Variants in GHR observed in about 807,000 individuals in gnomAD.
GHR encodes the protein growth hormone receptor, also known as GH receptor.
A neutral mutation model predicts 67.1 loss-of-function variants in GHR; 35 were observed. The ratio of observed to expected loss-of-function variants is 0.52; its 90% CI spans 0.40 to 0.69. GHR has a LOEUF of 0.69. GHR is among the 30% of genes least tolerant of loss of function. The pLI is 0.00. For synonymous variants in GHR, 272 were observed against 269.1 expected (o/e 1.01, Z -0.10); for missense variants, 792 against 764.6 (o/e 1.04, Z -0.42).
At chr5:42,551,186 C>G (rs375454444) in intron 1 of GHR, among the ~76,000 whole-genome samples, 1 of 152,130 alleles carries the variant, frequency 6.6e-6, no homozygotes, top group East Asian at 1.9e-4. Context: ...CTGTGTCTTG[C>G]CCTTAGAAGT....
intron 1 of GHR, among the ~76,000 whole-genome samples, chr5:42,504,549 A>G (rs1162173180): frequency 6.6e-6 from 1 of 152,092 alleles, no homozygotes; most frequent in African/African-American, 2.4e-5. Context: ...TCACGAGGTC[A>G]GGAGATTGAG....
At chr5:42,695,325 G>T (rs1203375826) in intron 5 of GHR, among the ~76,000 whole-genome samples, 1 of 152,160 alleles carries the variant, frequency 6.6e-6, no homozygotes, top group African/African-American at 2.4e-5. Flanking sequence ...GAAGAGAATA[G>T]GAACCTTGTG....
chr5:42,610,304 A>G (rs752651274), intron 2 of GHR, among the ~76,000 whole-genome samples: 1 of 151,982 alleles, frequency 6.6e-6, no homozygotes, highest in Non-Finnish European at 1.5e-5. Flanking sequence ...AGTCCTTGAG[A>G]CTCTCTTTTT....
intron 1 of GHR, among the ~76,000 whole-genome samples, chr5:42,480,242 G>T (rs1745557370): frequency 6.6e-6 from 1 of 152,194 alleles, no homozygotes; most frequent in Non-Finnish European, 1.5e-5. Flanking sequence ...TTGCACTGTG[G>T]TCTGAGAGAC....
chr5:42,465,644 T>G, intron 1 of GHR: 1 of 919,304 alleles, frequency 1.1e-6, no homozygotes, highest in Non-Finnish European at 1.8e-6. Context: ...AATTCCCCAG[T>G]TGTGAGATCT....
At chr5:42,620,454 G>C (rs2112710771) in intron 2 of GHR, among the ~76,000 whole-genome samples, 1 of 152,206 alleles carries the variant, frequency 6.6e-6, no homozygotes, top group African/African-American at 2.4e-5. Flanking sequence ...TGGGCAGTTA[G>C]ATAACTAACA....
At chr5:42,427,633 C>A (rs193121918) in intron 1 of GHR, among the ~76,000 whole-genome samples, 2 of 152,026 alleles carry the variant, frequency 1.3e-5, no homozygotes, top group Admixed American at 6.5e-5. Flanking sequence ...AACAGTCCCC[C>A]AAAGTCTTAA....
chr5:42,658,539 T>C (rs755374260), intron 3 of GHR, among the ~76,000 whole-genome samples: 4 of 152,246 alleles, frequency 2.6e-5, no homozygotes, highest in Non-Finnish European at 5.9e-5. Context: ...TTTTTGCTTA[T>C]ATACAGTAAG....
intron 2 of GHR, among the ~76,000 whole-genome samples, chr5:42,597,693 A>G (rs926074214): frequency 6.6e-6 from 1 of 152,174 alleles, no homozygotes; most frequent in Non-Finnish European, 1.5e-5. Context: ...CTTCATTTGT[A>G]AGTACCAGAT....
At chr5:42,536,695 G>C (rs1579895316) in intron 1 of GHR, among the ~76,000 whole-genome samples, 1 of 151,974 alleles carries the variant, frequency 6.6e-6, no homozygotes, top group East Asian at 1.9e-4. Flanking sequence ...GATTAGGGAG[G>C]GTTCCCTCTT....
At chr5:42,605,660 A>G (rs889811679) in intron 2 of GHR, among the ~76,000 whole-genome samples, 2 of 152,174 alleles carry the variant, frequency 1.3e-5, no homozygotes, top group Non-Finnish European at 2.9e-5. Context: ...CTTGTGCTCT[A>G]TTTCAGACAA....
In GHR at chr5:42,630,716, C is replaced by A. The variant is rs1241325972; in HGVS notation, c.136+1613C>A. ...TATTCCAAAGCCTTTTTTCACTCAACAGATGAGTTATGTGCTTTATATTCT... is the reference window on the plus strand; with the variant it reads ...TATTCCAAAGCCTTTTTTCACTCAAAAGATGAGTTATGTGCTTTATATTCT... On this transcript the variant is annotated intron_variant, in intron 3 of 9. Coordinates refer to ENST00000230882, the MANE Select transcript of GHR (RefSeq NM_000163.5). Among the ~76,000 whole-genome samples, 3 of 131,726 alleles carry A rather than the reference C, an allele frequency of 2.3e-5. 1 individual carries two copies. Among genetic ancestry groups the A allele is most frequent in the African/African-American group, 9.6e-5 (3 of 31,206 alleles). The allele number at this position is 131,726 out of a possible 152,430, so 86.4% of individuals were successfully genotyped here.
At chr5:42,425,081 C>T (rs1278276973) in intron 1 of GHR, 2 of 874,074 alleles carry the variant, frequency 2.3e-6, no homozygotes, top group African/African-American at 3.6e-5. Flanking sequence ...GTAGTTTCTG[C>T]ATAGGATTAA....
chr5:42,641,630 A>G (rs73095770), intron 3 of GHR, among the ~76,000 whole-genome samples: 2,171 of 152,174 alleles, frequency 0.014, 51 homozygotes, highest in African/African-American at 0.049. Context: ...GCTACCCCCA[A>G]TCTCTCTCTA....
At chr5:42,580,294 A>G (rs1751090821) in intron 2 of GHR, among the ~76,000 whole-genome samples, 1 of 152,180 alleles carries the variant, frequency 6.6e-6, no homozygotes, top group Non-Finnish European at 1.5e-5. Flanking sequence ...GCCTCAATGA[A>G]CAAAAGAGAT....
At position 42,618,633 on chromosome 5, in the gene GHR, T is replaced by C. The variant is rs749301860; in HGVS notation, c.71-10405T>C. Among the ~76,000 whole-genome samples, 7 of 152,152 alleles carry C rather than the reference T, an allele frequency of 4.6e-5. No individual in the cohort carries two copies. In the South Asian group the frequency reaches 8.3e-4, roughly 18 times the overall value. ...ATAATTAACTATCAGATGAGTGACA[T>C]ATATAATAAATACCATTAATTCACA... On this transcript the variant is annotated intron_variant, in intron 2 of 9. Coordinates refer to ENST00000230882, the MANE Select transcript of GHR (RefSeq NM_000163.5).
chr5:42,527,087 T>C (rs564019463), intron 1 of GHR, among the ~76,000 whole-genome samples: 1 of 152,268 alleles, frequency 6.6e-6, no homozygotes, highest in African/African-American at 2.4e-5. Context: ...GAGCACTAAA[T>C]ATAGAAAGGA....
intron 1 of GHR, among the ~76,000 whole-genome samples, chr5:42,474,257 C>A (rs4866927): frequency 0.014 from 1,261 of 87,870 alleles, 9 homozygotes; most frequent in Middle Eastern, 0.037. Flanking sequence ...GAAAGACAGA[C>A]AGAAAGAAAG....
chr5:42,667,759 A>C (rs1756064401), intron 3 of GHR, among the ~76,000 whole-genome samples: 1 of 152,166 alleles, frequency 6.6e-6, no homozygotes, highest in Non-Finnish European at 1.5e-5. Context: ...TATGGGTGGA[A>C]ATAAACCCAT....
Sources: gnomAD v4.1 joint callset for allele counts (sites outside exome capture counted in the v4.1 genomes callset) on GRCh38, gnomAD v4.1.1 for gene constraint, MANE v1.5 for transcripts, NCBI Gene and HGNC (gene_info 2026-07-23, HGNC 2026-07-21) for gene names.